HDAC7: variants seen among roughly 807,000 people sequenced by gnomAD.
The protein encoded by HDAC7 is histone deacetylase 7.
A neutral mutation model predicts 115.5 loss-of-function variants in HDAC7; 26 were observed. That is an observed-to-expected ratio of 0.23 (90% CI 0.16 to 0.31). The LOEUF is 0.31. Among genes scored for constraint, HDAC7 ranks in the 10% least tolerant of loss-of-function variants. The probability of loss-of-function intolerance (pLI) is 1.00; values close to 1 mark genes in which losing one functional copy is unlikely to be tolerated. For missense variants in HDAC7, 1,068 were observed against 1,329.0 expected, an observed-to-expected ratio of 0.80 and a Z score of 3.05; for synonymous variants, 564 against 550.9, an observed-to-expected ratio of 1.02 and a Z score of -0.33.
intron 2 of HDAC7, among the ~76,000 whole-genome samples, chr12:47,800,179 T>A (rs1201222132): frequency 6.6e-6 from 1 of 152,116 alleles, no homozygotes; most frequent in Admixed American, 6.5e-5. Context: ...CGGGGGGTAG[T>A]CATTACTATC....
In HDAC7 at chr12:47,783,515, C is replaced by A. The variant is rs1942977176; in HGVS notation, c.*326G>T. The A allele has an allele frequency of 2.7e-6, 1 of 370,490 alleles. No individual in the cohort carries two copies. The highest frequency in any genetic ancestry group is 5.1e-6 in the Non-Finnish European group (1 of 195,184). 23.0% of individuals were successfully genotyped at this position (370,490 alleles called of 1,614,324 possible). A position where few individuals can be genotyped will look rare whatever the true frequency, so the allele number is the denominator to read the frequency against. Reference sequence around the variant, plus strand: ...GAATAGTGGTTAAGGGTGAGCCCGACGGAGCCGGAGCCAGTCCTCCTCTGT... The same window carrying A: ...GAATAGTGGTTAAGGGTGAGCCCGAAGGAGCCGGAGCCAGTCCTCCTCTGT... On this transcript the variant is annotated 3_prime_UTR_variant, in exon 26 of 26. Coordinates refer to ENST00000080059, the MANE Select transcript of HDAC7 (RefSeq NM_015401.5).
At chr12:47,802,138 A>C in intron 2 of HDAC7, 86 bp downstream of exon 2, 3 of 1,394,424 alleles carry the variant, frequency 2.2e-6, no homozygotes, top group Non-Finnish European at 2.0e-6. Flanking sequence ...CTGCTTCTCT[A>C]ACCCCTCAGC....
chr12:47,819,677 A>G (rs1377565756), intron 1 of HDAC7, 90 bp downstream of exon 1: 4 of 213,160 alleles, frequency 1.9e-5, no homozygotes, highest in Non-Finnish European at 8.1e-6. Flanking sequence ...CCGGAGCCGG[A>G]GCCGGGGCCA....
chr12:47,804,540 A>G (rs1220074955), intron 1 of HDAC7, among the ~76,000 whole-genome samples: 2 of 148,238 alleles, frequency 1.3e-5, no homozygotes, highest in Non-Finnish European at 3.0e-5. Flanking sequence ...AAAAAAAAAA[A>G]GAGAAGTAAA....
chr12:47,790,723 C>T (rs143257516), intron 16 of HDAC7: 11 of 167,382 alleles, frequency 6.6e-5, no homozygotes, highest in East Asian at 3.8e-4. Context: ...CCGGAGGGAG[C>T]GGGAAGCTCC....
rs763031764 is a variant in HDAC7 at position 47,797,360 on chromosome 12, G to C, written c.577+24C>G. The C allele has an allele frequency of 6.4e-7, 1 of 1,572,432 alleles. No homozygotes were observed. The highest frequency in any genetic ancestry group is 8.7e-7 in the Non-Finnish European group (1 of 1,151,446). ...CCCTTCCCCCTTCCTTTGCCTGAAA[G>C]GTCCGCCTGTTTGTTCAGCTCACCT... is the stretch of plus-strand genomic sequence containing the variant. On this transcript the variant is annotated intron_variant, in intron 6 of 25. Transcript: ENST00000080059. The surrounding 1 kb of genome is among the most constrained non-coding windows in gnomAD (Gnocchi z 5.5).
At chr12:47,796,410 C>G (rs1308817229) in intron 7 of HDAC7, 112 bp from the exon 8 acceptor site, 4 of 637,414 alleles carry the variant, frequency 6.3e-6, no homozygotes, top group Non-Finnish European at 1.1e-5. Flanking sequence ...TAACGAGCAC[C>G]TTTGCTTCCT....
chr12:47,801,382 A>G (rs1055304390), intron 2 of HDAC7, among the ~76,000 whole-genome samples: 1 of 152,288 alleles, frequency 6.6e-6, no homozygotes, highest in African/African-American at 2.4e-5. Flanking sequence ...ACCCTGGCAC[A>G]GAGACAGAAC....
chr12:47,790,130 A>G (rs1044252214), intron 16 of HDAC7: 25 of 579,800 alleles, frequency 4.3e-5, no homozygotes, highest in African/African-American at 4.3e-4. Context: ...TCCCAGCACC[A>G]GCCCATTATC....
At chr12:47,804,410 G>T (rs1168870641) in intron 1 of HDAC7, among the ~76,000 whole-genome samples, 1 of 151,948 alleles carries the variant, frequency 6.6e-6, no homozygotes, top group Non-Finnish European at 1.5e-5. Context: ...GTCAGTAGCT[G>T]AACTGAAGCC....
intron 19 of HDAC7, chr12:47,788,377 T>A: frequency 2.4e-6 from 1 of 419,610 alleles, no homozygotes; most frequent in Non-Finnish European, 4.1e-6. Context: ...GGGCTGGCTG[T>A]AATATGAGAT....
chr12:47,796,100 C>A (rs1290658280), intron 8 of HDAC7, 84 bp from the exon 9 acceptor site: 1 of 1,515,058 alleles, frequency 6.6e-7, no homozygotes, highest in Non-Finnish European at 9.0e-7. Flanking sequence ...GAGGCTCTGG[C>A]AGGGGCTGCC....
At chr12:47,784,049 G>GT (rs747143913) in intron 25 of HDAC7, 30 bp downstream of exon 25, 15 of 1,609,872 alleles carry the variant, frequency 9.3e-6, no homozygotes, top group Non-Finnish European at 1.7e-6. Flanking sequence ...TGGAGAGGCT[G>GT]TGGGCCCAGG....
Position 47,793,516 on chromosome 12 carries a change from G to A in HDAC7, c.1531C>T (p.Pro511Ser). The stretch of plus-strand genomic sequence containing the variant: ...GGCCGGTGCCCACCCTGGGCCAGAG[G>A]AAGCAGCACAGTGTCCCCGGTGCTG... ...RGSTGDTVLL[P>S]LAQGGHRPLS... The change falls in exon 13 of 26, where the codon CCT becomes TCT. Residue 511 changes from proline (P) to serine (S), a missense_variant. This residue lies in a region of HDAC7 where 618 missense variants were observed against 701.5 expected (regional missense o/e 0.88). Transcript: ENST00000080059. The surrounding 1 kb of genome is among the most constrained non-coding windows in gnomAD (Gnocchi z 4.5). 3 of 1,548,836 alleles carry A rather than the reference G, an allele frequency of 1.9e-6. No individual in the cohort carries two copies. The highest frequency in any genetic ancestry group is 2.6e-6 in the Non-Finnish European group (3 of 1,147,034).
chr12:47,789,336 G>C lies in HDAC7; in HGVS notation c.2160C>G (p.Phe720Leu). The change falls in exon 19 of 26, where the codon TTC (phenylalanine) becomes TTG (leucine). Residue 720 changes from phenylalanine to leucine, a missense_variant. Transcript: ENST00000080059. Reference sequence around the variant, plus strand: ...GGCAGGCGATGGCCACTGAGTTGAAGAAGCAGAAGCCCCTGGAAGGAGAGA... The same window carrying C: ...GGCAGGCGATGGCCACTGAGTTGAACAAGCAGAAGCCCCTGGAAGGAGAGA... ...ADHSTAMGFC[F>L]FNSVAIACRQ... 6.2e-7 allele frequency: 1 copy of C among 1,613,840 alleles called. No individual in the cohort carries two copies. The highest frequency in any genetic ancestry group is 8.5e-7 in the Non-Finnish European group (1 of 1,179,938).
Position 47,789,909 on chromosome 12 carries a change from G to A in HDAC7, c.1995C>T (p.Asp665=). ...AGGAATGAAGCTCATTCCAGATGGT[G>A]TCAGTGTCCACCTGCGGGAGCCAGA... ...LPCGGVGVDT[D]TIWNELHSSN... is the part of the protein sequence containing the mutation. Residue 665 remains aspartate, a synonymous_variant, in exon 17 of 26, where the codon GAC becomes GAT. Transcript: ENST00000080059. The A allele has an allele frequency of 6.2e-7, 1 of 1,612,730 alleles. No individual in the cohort carries two copies. Among genetic ancestry groups the A allele is most frequent in the African/African-American group, 1.3e-5 (1 of 75,066 alleles).
In HDAC7 at chr12:47,797,320, C is replaced by T. The variant is rs371979571; in HGVS notation, c.577+64G>A. ...AGCCCGCCCACCCCTGCACACTCCT[C>T]CCCCATGTCCGAGGCCCTTCCCCCT... On this transcript the variant is annotated intron_variant, in intron 6 of 25. Transcript: ENST00000080059. The surrounding 1 kb of genome is among the most constrained non-coding windows in gnomAD (Gnocchi z 5.5). 1,326 of 1,321,512 alleles carry T rather than the reference C, an allele frequency of 1.0e-3. 10 individuals carry two copies. The African/African-American group carries it at 0.017, about 17-fold the overall frequency. 81.9% of individuals were successfully genotyped at this position (1,321,512 alleles called of 1,614,324 possible).
At chr12:47,790,796 G>C (rs532080532) in intron 16 of HDAC7, 1 of 207,150 alleles carries the variant, frequency 4.8e-6, no homozygotes, top group African/African-American at 2.4e-5. Context: ...GCTATGTCCC[G>C]GAGTGGGGAG....
intron 16 of HDAC7, chr12:47,790,722 G>A (rs1432503196): frequency 7.1e-5 from 12 of 168,106 alleles, no homozygotes. Context: ...GCCGGAGGGA[G>A]CGGGAAGCTC....
Sources: allele counts gnomAD v4.1 joint callset (sites outside exome capture counted in the v4.1 genomes callset), GRCh38; gene constraint gnomAD v4.1.1; regional missense constraint gnomAD v4.1.1; non-coding constraint Gnocchi (gnomAD v3.1); transcripts MANE v1.5; gene names NCBI Gene and HGNC (gene_info 2026-07-23, HGNC 2026-07-21).